The following MDGA2 variants were observed in gnomAD, a reference collection of about 807,000 sequenced individuals.
MDGA2 encodes the protein MAM domain containing glycosylphosphatidylinositol anchor 2.
A neutral mutation model predicts 117.8 loss-of-function variants in MDGA2; 40 were observed. The observed-to-expected ratio is 0.34, with a 90% CI of 0.26 to 0.44. The LOEUF (loss-of-function observed/expected upper bound fraction) is 0.44. Among genes scored for constraint, MDGA2 ranks in the 20% least tolerant of loss-of-function variants. MDGA2 has a pLI of 1.00. For missense variants in MDGA2, 1,123 were observed against 1,250.6 expected, an observed-to-expected ratio of 0.90 and a Z score of 1.54; for synonymous variants, 452 against 439.0, an observed-to-expected ratio of 1.03 and a Z score of -0.37.
chr14:47,502,461 C>A (rs1894418413), intron 1 of MDGA2, among the ~76,000 whole-genome samples: 1 of 152,066 alleles, frequency 6.6e-6, no homozygotes, highest in South Asian at 2.1e-4. Context: ...AACCAAAGAA[C>A]CTAGCCAGAG....
chr14:47,286,392 T>C lies in MDGA2; in HGVS notation c.420+15019A>G, dbSNP rs574722862. Among the ~76,000 whole-genome samples, 8 of 152,136 alleles carry C rather than the reference T, an allele frequency of 5.3e-5. 1 individual carries two copies. In the South Asian group the frequency reaches 1.7e-3, roughly 32 times the overall value. ...TTTATCCCACCTTCCCTATTCCCCT[T>C]CCCACCCTCTGGTAACCTCCATTCT... On this transcript the variant is annotated intron_variant, in intron 2 of 16. Transcript: ENST00000399232.
At chr14:47,064,256 C>T (rs1889998279) in intron 6 of MDGA2, among the ~76,000 whole-genome samples, 1 of 151,744 alleles carries the variant, frequency 6.6e-6, no homozygotes, top group South Asian at 2.1e-4. Context: ...ATGATTTGGC[C>T]TAAGTCAATT....
chr14:47,493,164 T>C (rs1376357840), intron 1 of MDGA2, among the ~76,000 whole-genome samples: 1 of 151,818 alleles, frequency 6.6e-6, no homozygotes, highest in Non-Finnish European at 1.5e-5. Context: ...CCTGTAATAA[T>C]AAGCAGATAT....
At chr14:47,453,342 T>C (rs1893280455) in intron 1 of MDGA2, among the ~76,000 whole-genome samples, 1 of 152,144 alleles carries the variant, frequency 6.6e-6, no homozygotes, top group Non-Finnish European at 1.5e-5. Context: ...CTGTAGAGTT[T>C]CAAAGCATAT....
At chr14:47,472,943 C>T (rs894693463) in intron 1 of MDGA2, among the ~76,000 whole-genome samples, 1 of 151,956 alleles carries the variant, frequency 6.6e-6, no homozygotes, top group African/African-American at 2.4e-5. Context: ...TGATAGTATT[C>T]TCCAACCAAT....
At chr14:47,458,086 C>A (rs971742030) in intron 1 of MDGA2, among the ~76,000 whole-genome samples, 1 of 149,680 alleles carries the variant, frequency 6.7e-6, no homozygotes, top group Admixed American at 6.7e-5. Flanking sequence ...ATTTGTAAGT[C>A]TTCTTTGAGA....
intron 1 of MDGA2, among the ~76,000 whole-genome samples, chr14:47,423,776 C>T (rs1892628090): frequency 6.6e-6 from 1 of 151,276 alleles, no homozygotes; most frequent in African/African-American, 2.4e-5. Flanking sequence ...AACTAACACA[C>T]TGTTTATTTT....
chr14:46,949,256 C>T (rs1454755920), intron 9 of MDGA2, among the ~76,000 whole-genome samples: 2 of 151,998 alleles, frequency 1.3e-5, no homozygotes, highest in South Asian at 2.1e-4. Context: ...GAATAAAACA[C>T]AGTCATACCC....
chr14:47,339,034 A>T (rs375789696), intron 1 of MDGA2, among the ~76,000 whole-genome samples: 15 of 152,154 alleles, frequency 9.9e-5, no homozygotes, highest in African/African-American at 3.6e-4. Context: ...GAAAGAAAAA[A>T]ATGTGTCTAT....
intron 3 of MDGA2, among the ~76,000 whole-genome samples, chr14:47,145,785 T>A (rs1466368417): frequency 1.3e-5 from 2 of 152,158 alleles, no homozygotes; most frequent in Non-Finnish European, 2.9e-5. Flanking sequence ...TTTTTGACAT[T>A]ACTTTTAATG....
chr14:47,448,500 CTTCTTGGAAGAGAA>C (rs1380949358), intron 1 of MDGA2, among the ~76,000 whole-genome samples: 1 of 152,072 alleles, frequency 6.6e-6, no homozygotes, highest in Non-Finnish European at 1.5e-5. Context: ...CTCCCCACAA[CTTCTTGGAAGAGAA>C]GAGGAGCTGA....
chr14:47,674,223 C>T (rs868330130), intron 1 of MDGA2, among the ~76,000 whole-genome samples: 1 of 152,182 alleles, frequency 6.6e-6, no homozygotes, highest in African/African-American at 2.4e-5. Flanking sequence ...TCAAAGACTG[C>T]TGGAGCTCGG....
intron 1 of MDGA2, among the ~76,000 whole-genome samples, chr14:47,670,274 C>T (rs1450187698): frequency 6.6e-6 from 1 of 152,076 alleles, no homozygotes; most frequent in African/African-American, 2.4e-5. Flanking sequence ...TGATTTGGTT[C>T]CCAAAAAAGC....
intron 7 of MDGA2, among the ~76,000 whole-genome samples, chr14:47,055,136 G>A (rs1411050916): frequency 6.6e-6 from 1 of 151,176 alleles, no homozygotes; most frequent in Non-Finnish European, 1.5e-5. Flanking sequence ...TGCAAAGGTA[G>A]TCTCACTGTT....
chr14:47,299,301 G>A (rs1257623900), intron 2 of MDGA2: 2 of 151,958 alleles, frequency 1.3e-5, no homozygotes, highest in Non-Finnish European at 2.9e-5. Context: ...TGGAGAGAGA[G>A]GCAGCAGAGC....
At chr14:46,924,671 T>C (rs920155561) in intron 9 of MDGA2, among the ~76,000 whole-genome samples, 11 of 151,934 alleles carry the variant, frequency 7.2e-5, no homozygotes, top group Admixed American at 6.6e-5. Context: ...TATTATCAGA[T>C]TGCACAATCT....
intron 5 of MDGA2, among the ~76,000 whole-genome samples, chr14:47,116,793 A>T (rs1881353149): frequency 6.6e-6 from 1 of 152,128 alleles, no homozygotes; most frequent in Non-Finnish European, 1.5e-5. Context: ...ATAAGACACA[A>T]AATTATAAAA....
chr14:47,384,804 G>A (rs1373264352), intron 1 of MDGA2, among the ~76,000 whole-genome samples: 2 of 152,140 alleles, frequency 1.3e-5, no homozygotes, highest in African/African-American at 2.4e-5. Flanking sequence ...AAATGAGGGT[G>A]TTAAGCCCAG....
At chr14:47,362,904 T>C (rs1361179932) in intron 1 of MDGA2, among the ~76,000 whole-genome samples, 1 of 152,218 alleles carries the variant, frequency 6.6e-6, no homozygotes. Flanking sequence ...TAGGAGCACT[T>C]AGAACTAGAA....
Sources: gnomAD v4.1 joint callset for allele counts (sites outside exome capture counted in the v4.1 genomes callset) on GRCh38, gnomAD v4.1.1 for gene constraint, MANE v1.5 for transcripts, NCBI Gene and HGNC (gene_info 2026-07-23, HGNC 2026-07-21) for gene names.